Variants in DNTTIP1 observed in about 807,000 individuals in gnomAD.
DNTTIP1 encodes deoxynucleotidyltransferase terminal-interacting protein 1.
Under a neutral mutation model 52.9 loss-of-function variants are expected in DNTTIP1, and 22 were observed. The ratio of observed to expected loss-of-function variants is 0.42; its 90% CI spans 0.30 to 0.59. The LOEUF (loss-of-function observed/expected upper bound fraction) is 0.59. Ranked by LOEUF, DNTTIP1 falls within the 20% of genes least tolerant of loss-of-function variation. DNTTIP1 has a pLI of 0.22. For missense variants in DNTTIP1, 286 were observed against 435.5 expected, an observed-to-expected ratio of 0.66 and a Z score of 3.06; for synonymous variants, 136 against 155.1, an observed-to-expected ratio of 0.88 and a Z score of 0.92.
chr20:45,803,952 C>T (rs1981556646), intron 8 of DNTTIP1, among the ~76,000 whole-genome samples: 1 of 152,196 alleles, frequency 6.6e-6, no homozygotes, highest in African/African-American at 2.4e-5. Flanking sequence ...TGAGTTCTTC[C>T]TCAGCAGTGA....
Position 45,801,158 on chromosome 20 carries a change from T to C in DNTTIP1, c.441+16T>C. The C allele has an allele frequency of 6.2e-7, 1 of 1,613,046 alleles. No homozygotes were observed. Among genetic ancestry groups the C allele is most frequent in the Non-Finnish European group, 8.5e-7 (1 of 1,178,996 alleles). On this transcript the variant is annotated intron_variant, in intron 5 of 12. Transcript: ENST00000372622. ...AGGAATAAAGGTCAGAGTCACTGTG[T>C]TCTCGGGTATTGGAGCGGGAGGTCC... is the stretch of plus-strand genomic sequence containing the variant.
At chr20:45,794,377 C>A (rs1157851704) in intron 3 of DNTTIP1, among the ~76,000 whole-genome samples, 2 of 151,952 alleles carry the variant, frequency 1.3e-5, no homozygotes, top group African/African-American at 4.8e-5. Flanking sequence ...GAACTCCTGA[C>A]CTCAAATGAT....
At chr20:45,801,814 G>A (rs939098807) in intron 6 of DNTTIP1, among the ~76,000 whole-genome samples, 185 bp from the exon 7 acceptor site, 1 of 152,176 alleles carries the variant, frequency 6.6e-6, no homozygotes, top group Non-Finnish European at 1.5e-5. Flanking sequence ...ACTCCGCAAG[G>A]TACTGGGCTT....
intron 4 of DNTTIP1, chr20:45,796,365 A>C: frequency 2.4e-6 from 1 of 413,174 alleles, no homozygotes. Flanking sequence ...ATAGAGCTAG[A>C]AAAAAATTTT....
chr20:45,810,710 G>A (rs1161913896), intron 11 of DNTTIP1, among the ~76,000 whole-genome samples, 175 bp from the exon 12 acceptor site: 3 of 151,302 alleles, frequency 2.0e-5, no homozygotes, highest in Non-Finnish European at 4.4e-5. Context: ...GTAAAAGATT[G>A]TCTCAAGGAA....
Position 45,805,296 on chromosome 20 carries a change from T to C in DNTTIP1, c.663-10T>C. 1 of 1,614,206 alleles carries C rather than the reference T, an allele frequency of 6.2e-7. No individual in the cohort carries two copies. Among genetic ancestry groups the C allele is most frequent in the Non-Finnish European group, 8.5e-7 (1 of 1,180,034 alleles). On this transcript the variant is annotated splice_polypyrimidine_tract_variant and intron_variant, in intron 9 of 12. Coordinates refer to ENST00000372622, the MANE Select transcript of DNTTIP1 (RefSeq NM_052951.3). ...TCTGGAATCTTGACCACTTGGCTTT[T>C]ACTTTTCAGAGCCCTGGGGATGGGG...
Position 45,802,140 on chromosome 20 carries a change from G to C in DNTTIP1, c.557+83G>C, listed in dbSNP as rs1452028323. On this transcript the variant is annotated intron_variant, in intron 7 of 12. Coordinates refer to ENST00000372622, the MANE Select transcript of DNTTIP1 (RefSeq NM_052951.3). ...CTGAAGGAAAAGAGTCCAGGGTTCT[G>C]TGCCTGTCAAAATCAGATCCATCAG... is the stretch of plus-strand genomic sequence containing the variant. 4 of 1,461,076 alleles carry C rather than the reference G, an allele frequency of 2.7e-6. No homozygotes were observed. In the East Asian group the frequency reaches 9.1e-5, roughly 33 times the overall value. The allele number at this position is 1,461,076 out of a possible 1,614,324, so 90.5% of individuals were successfully genotyped here. A position where few individuals can be genotyped will look rare whatever the true frequency, so the allele number is the denominator to read the frequency against.
intron 4 of DNTTIP1, among the ~76,000 whole-genome samples, chr20:45,800,692 AAAATATAT>A (rs1981416316): frequency 3.1e-5 from 1 of 32,654 alleles, no homozygotes; most frequent in Non-Finnish European, 6.1e-5. Flanking sequence ...AAAAAAAAAA[AAAATATAT>A]ATATATATAT....
rs1161827395 is a variant in DNTTIP1, at chr20:45,805,363, T to C, written c.720T>C (p.Phe240=). Residue 240 remains phenylalanine, a synonymous_variant, in exon 10 of 13, where the codon TTT becomes TTC. Transcript: ENST00000372622. ...TCTACATCAAGCACCCACACCTCTTTAAGGTAGGTGACTGCTGGGAGGAAA... is the reference window on the plus strand; with the variant it reads ...TCTACATCAAGCACCCACACCTCTTCAAGGTAGGTGACTGCTGGGAGGAAA... ...GRIYIKHPHL[F]KYAADPQDKH... The C allele has an allele frequency of 3.1e-6, 5 of 1,614,084 alleles. No individual in the cohort carries two copies. In the South Asian group the frequency reaches 4.4e-5, roughly 14 times the overall value.
chr20:45,797,196 A>C (rs992727203), intron 4 of DNTTIP1, among the ~76,000 whole-genome samples: 1 of 152,114 alleles, frequency 6.6e-6, no homozygotes, highest in African/African-American at 2.4e-5. Flanking sequence ...CATTTTAAAA[A>C]CCCTTCAGTG....
At chr20:45,796,500 G>A (rs1275124534) in intron 4 of DNTTIP1, 1 of 470,972 alleles carries the variant, frequency 2.1e-6, no homozygotes, top group Non-Finnish European at 4.4e-6. Context: ...TTGGTATCAT[G>A]GGGATGAGCA....
chr20:45,800,691 AAAAATATATAT>A (rs1981412604), intron 4 of DNTTIP1, among the ~76,000 whole-genome samples: 1 of 57,100 alleles, frequency 1.8e-5, no homozygotes, highest in Non-Finnish European at 2.9e-5. Flanking sequence ...AAAAAAAAAA[AAAAATATATAT>A]ATATATATAT....
intron 8 of DNTTIP1, among the ~76,000 whole-genome samples, chr20:45,803,931 C>T (rs1981555847): frequency 1.3e-5 from 2 of 152,134 alleles, no homozygotes; most frequent in African/African-American, 4.8e-5. Flanking sequence ...CTGTTGCCTC[C>T]CTCTCTCTCC....
Position 45,811,058 on chromosome 20 carries a change from G to C in DNTTIP1, c.853G>C (p.Gly285Arg), listed in dbSNP as rs1470235136. The change falls in exon 13 of 13, where the codon GGA (glycine) becomes CGA (arginine). Residue 285 changes from glycine (G) to arginine (R), a missense_variant and splice_region_variant. Transcript: ENST00000372622. ...TTCTCTCTTCAATGTCTGTTCCAGA[G>C]GATGCCTGGATCTGAAGCTAGAGGA... ...RDLAASDDYR[G>R]CLDLKLEELK... The C allele has an allele frequency of 6.2e-7, 1 of 1,613,650 alleles. No individual in the cohort carries two copies. The highest frequency in any genetic ancestry group is 8.5e-7 in the Non-Finnish European group (1 of 1,179,688).
At chr20:45,806,092 A>G (rs555842838) in intron 10 of DNTTIP1, among the ~76,000 whole-genome samples, 1 of 151,476 alleles carries the variant, frequency 6.6e-6, no homozygotes, top group African/African-American at 2.4e-5. Context: ...ACAGTGGCTC[A>G]CGCCTGTAAT....
intron 4 of DNTTIP1, among the ~76,000 whole-genome samples, chr20:45,800,687 AAAAAAAAATATATATATATAT>A (rs1981403162): frequency 1.7e-5 from 1 of 59,834 alleles, no homozygotes; most frequent in African/African-American, 8.8e-5. Flanking sequence ...TTTAAAAAAA[AAAAAAAAATATATATATATAT>A]ATATATATAT....
At chr20:45,806,827 T>C (rs963843915) in intron 10 of DNTTIP1, among the ~76,000 whole-genome samples, 1 of 152,226 alleles carries the variant, frequency 6.6e-6, no homozygotes, top group Non-Finnish European at 1.5e-5. Flanking sequence ...TGGGTGGCCT[T>C]TCTCTCCCAC....
intron 10 of DNTTIP1, among the ~76,000 whole-genome samples, chr20:45,807,983 C>T (rs1197159570): frequency 6.6e-6 from 1 of 151,982 alleles, no homozygotes; most frequent in Non-Finnish European, 1.5e-5. Context: ...CTCTTCACTC[C>T]TCGATTTTTT....
At position 45,804,190 on chromosome 20, in the gene DNTTIP1, C is replaced by T. The variant is rs751420807; in HGVS notation, c.603+812C>T. 4.6e-5 allele frequency among the ~76,000 whole-genome samples: 7 copies of T among 152,330 alleles called. No individual in the cohort carries two copies. In the South Asian group the frequency reaches 1.4e-3, roughly 32 times the overall value. ...AGTTTCATAGGCATTTCAGACTCAG[C>T]ATATCCAAACATGAAATTAGAATCT... On this transcript the variant is annotated intron_variant, in intron 8 of 12. Transcript: ENST00000372622.
Sources: allele counts gnomAD v4.1 joint callset (sites outside exome capture counted in the v4.1 genomes callset), GRCh38; gene constraint gnomAD v4.1.1; transcripts MANE v1.5; gene names NCBI Gene and HGNC (gene_info 2026-07-23, HGNC 2026-07-21).